CCDC91: variants seen among roughly 807,000 people sequenced by gnomAD.
CCDC91 encodes coiled-coil domain containing 91, also known as coiled-coil domain-containing protein 91.
A neutral mutation model predicts 63.2 loss-of-function variants in CCDC91; 48 were observed. That is an observed-to-expected ratio of 0.76 (90% CI 0.60 to 0.97). CCDC91 has a LOEUF of 0.97. CCDC91 is among the 50% of genes least tolerant of loss of function. The probability of loss-of-function intolerance (pLI) is 0.00; values close to 1 mark genes in which losing one functional copy is unlikely to be tolerated. For missense variants in CCDC91, 500 were observed against 494.6 expected, an observed-to-expected ratio of 1.01 and a Z score of -0.10; for synonymous variants, 167 against 165.8, an observed-to-expected ratio of 1.01 and a Z score of -0.06.
intron 3 of CCDC91, among the ~76,000 whole-genome samples, chr12:28,271,093 C>T (rs976651303): frequency 2.0e-5 from 3 of 152,036 alleles, no homozygotes; most frequent in Non-Finnish European, 4.4e-5. Flanking sequence ...GTAGGTACCG[C>T]ATTATAGCTA....
chr12:28,468,522 G>A (rs1950649133), intron 11 of CCDC91, among the ~76,000 whole-genome samples: 1 of 151,864 alleles, frequency 6.6e-6, no homozygotes, highest in African/African-American at 2.4e-5. Context: ...ATTTAAATCA[G>A]AACTAATACC....
chr12:28,301,070 C>T (rs748662224), intron 3 of CCDC91, among the ~76,000 whole-genome samples: 1 of 151,382 alleles, frequency 6.6e-6, no homozygotes, highest in Non-Finnish European at 1.5e-5. Context: ...TTTCATTTCT[C>T]TTGTTGACTT....
Position 28,421,259 on chromosome 12 carries a change from A to G in CCDC91, c.763-28902A>G, listed in dbSNP as rs143395089. Among the ~76,000 whole-genome samples, 96 of 152,214 alleles carry G rather than the reference A, an allele frequency of 6.3e-4. 1 individual carries two copies. Among genetic ancestry groups the G allele is most frequent in the Middle Eastern group, 6.8e-3 (2 of 294 alleles). On this transcript the variant is annotated intron_variant, in intron 8 of 12. Transcript: ENST00000536442. ...GGATACATGTGCAGGTTTGTTATAT[A>G]GGTAAGTTGTGTGTCGTGGGGATTT... is the stretch of plus-strand genomic sequence containing the variant.
chr12:28,278,836 G>A (rs1948413869), intron 3 of CCDC91, among the ~76,000 whole-genome samples: 4 of 151,940 alleles, frequency 2.6e-5, no homozygotes, highest in Admixed American at 2.6e-4. Context: ...AACTTAATTA[G>A]CCTTTCAAGT....
intron 1 of CCDC91, chr12:28,191,426 A>C (rs1425461323): frequency 6.6e-6 from 1 of 152,218 alleles, no homozygotes; most frequent in African/African-American, 2.4e-5. Flanking sequence ...TCTTGGCCAC[A>C]ATTTTAGGTG....
At chr12:28,489,665 T>TTA (rs1280878844) in intron 12 of CCDC91, among the ~76,000 whole-genome samples, 1 of 151,946 alleles carries the variant, frequency 6.6e-6, no homozygotes, top group East Asian at 1.9e-4. Context: ...AGTATCCTTT[T>TTA]AATTTAGGTT....
At chr12:28,222,733 G>A (rs1196913762) in intron 1 of CCDC91, among the ~76,000 whole-genome samples, 1 of 152,092 alleles carries the variant, frequency 6.6e-6, no homozygotes, top group Non-Finnish European at 1.5e-5. Context: ...TTTTAAATCT[G>A]TATTCTTTCT....
intron 1 of CCDC91, among the ~76,000 whole-genome samples, chr12:28,192,750 G>T (rs1181548847): frequency 1.3e-5 from 2 of 151,946 alleles, no homozygotes; most frequent in African/African-American, 4.8e-5. Flanking sequence ...GGCATATGTT[G>T]CTTTTTTTAA....
chr12:28,408,183 G>C (rs1425944113), intron 8 of CCDC91, among the ~76,000 whole-genome samples: 1 of 151,944 alleles, frequency 6.6e-6, no homozygotes, highest in Non-Finnish European at 1.5e-5. Context: ...CCCTCCCAGT[G>C]TCCATGTGTT....
rs562758151 is a variant in CCDC91 at position 28,333,875 on chromosome 12, A to G, written c.576+26126A>G. Among the ~76,000 whole-genome samples, 30 of 152,190 alleles carry G rather than the reference A, an allele frequency of 2.0e-4. No homozygotes were observed. The South Asian group carries it at 2.3e-3, about 12-fold the overall frequency. Reference sequence around the variant, plus strand: ...TACAAGTTTTCCAAAATGTTTTTCTATTTTTTTGTAGCTACATCTCTGTTG... The same window carrying G: ...TACAAGTTTTCCAAAATGTTTTTCTGTTTTTTTGTAGCTACATCTCTGTTG... On this transcript the variant is annotated intron_variant, in intron 6 of 12. Transcript: ENST00000536442.
chr12:28,489,228 C>T (rs1328862766), intron 12 of CCDC91, among the ~76,000 whole-genome samples: 1 of 151,834 alleles, frequency 6.6e-6, no homozygotes, highest in Non-Finnish European at 1.5e-5. Context: ...CTCTTAGGTG[C>T]TATTCTGGAG....
intron 11 of CCDC91, 79 bp downstream of exon 11, chr12:28,452,733 A>G: frequency 3.1e-6 from 2 of 643,206 alleles, no homozygotes; most frequent in Middle Eastern, 4.6e-4. Context: ...TCTATCTTTT[A>G]TCTTACTTAA....
intron 8 of CCDC91, among the ~76,000 whole-genome samples, chr12:28,393,360 AT>A (rs939991416): frequency 6.9e-6 from 1 of 145,466 alleles, no homozygotes; most frequent in African/African-American, 2.5e-5. Context: ...ACTACTTTGT[AT>A]TTTTTTTTCT....
At chr12:28,204,645 C>G (rs1345172603) in intron 1 of CCDC91, among the ~76,000 whole-genome samples, 1 of 152,002 alleles carries the variant, frequency 6.6e-6, no homozygotes, top group Non-Finnish European at 1.5e-5. Flanking sequence ...CTTTACTCTC[C>G]TTATTACATT....
chr12:28,531,069 C>T (rs1416172434), intron 12 of CCDC91, among the ~76,000 whole-genome samples: 4 of 152,088 alleles, frequency 2.6e-5, no homozygotes, highest in Middle Eastern at 6.3e-3. Context: ...CAACACAAAA[C>T]GGACTAGGAC....
intron 8 of CCDC91, among the ~76,000 whole-genome samples, chr12:28,431,121 TATTA>T (rs1948603629): frequency 6.6e-6 from 1 of 152,188 alleles, no homozygotes; most frequent in Non-Finnish European, 1.5e-5. Context: ...ACACATATGA[TATTA>T]ATTCTTTGAA....
chr12:28,339,111 G>A (rs901817597), intron 6 of CCDC91, among the ~76,000 whole-genome samples: 4 of 152,132 alleles, frequency 2.6e-5, no homozygotes, highest in African/African-American at 9.7e-5. Flanking sequence ...AAAGTGCTGG[G>A]ATTACAGGCA....
intron 1 of CCDC91, among the ~76,000 whole-genome samples, chr12:28,210,985 C>G: frequency 6.7e-6 from 1 of 148,772 alleles, no homozygotes; most frequent in East Asian, 1.9e-4. Context: ...AAGGTTATTA[C>G]TGACCAGTTT....
intron 7 of CCDC91, among the ~76,000 whole-genome samples, chr12:28,381,106 G>T (rs976774699): frequency 6.6e-6 from 1 of 151,898 alleles, no homozygotes; most frequent in Non-Finnish European, 1.5e-5. Context: ...ATTTCTTTCC[G>T]GTTTGAATAG....
Sources: allele counts gnomAD v4.1 joint callset (sites outside exome capture counted in the v4.1 genomes callset), GRCh38; gene constraint gnomAD v4.1.1; transcripts MANE v1.5; gene names NCBI Gene and HGNC (gene_info 2026-07-23, HGNC 2026-07-21).